The following GNG7 variants were observed in gnomAD, a reference collection of about 807,000 sequenced individuals.
GNG7 encodes G protein subunit gamma 7.
In GNG7, 1 loss-of-function variant was observed where a neutral mutation model predicts 4.0. The observed-to-expected ratio is 0.25, with a 90% confidence interval of 0.09 to 1.18. The LOEUF is 1.18. Among genes scored for constraint, GNG7 ranks in the 50% most tolerant of loss-of-function variants. GNG7 has a pLI of 0.50. For synonymous variants in GNG7, 34 were observed against 36.9 expected (o/e 0.92, Z 0.29); for missense variants, 86 against 91.9 (o/e 0.94, Z 0.26).
intron 2 of GNG7, among the ~76,000 whole-genome samples, chr19:2,619,159 A>G (rs890918203): frequency 2.0e-5 from 3 of 152,272 alleles, no homozygotes; most frequent in African/African-American, 7.2e-5. Flanking sequence ...AGTAGAAGGC[A>G]TATAAACAAA....
rs758973520 is a variant in GNG7, at chr19:2,514,986, AAG to A, written c.*34_*35del. 0.025 allele frequency: 20,901 copies of A among 838,428 alleles called. No individual in the cohort carries two copies. The highest frequency in any genetic ancestry group is 0.026 in the Non-Finnish European group (15,963 of 610,172). 51.9% of individuals were successfully genotyped at this position (838,428 alleles called of 1,614,324 possible). A position where few individuals can be genotyped will look rare whatever the true frequency, so the allele number is the denominator to read the frequency against. ...ACAGAGACAGAGAGAGAGAGAGAGA[AAG>A]AGAGAGAGAGAGAGAGAACATATGA... On this transcript the variant is annotated 3_prime_UTR_variant, in exon 5 of 5. Coordinates refer to ENST00000382159, the MANE Select transcript of GNG7 (RefSeq NM_052847.3).
intron 2 of GNG7, among the ~76,000 whole-genome samples, chr19:2,596,682 A>G (rs959669372): frequency 6.6e-6 from 1 of 151,434 alleles, no homozygotes; most frequent in Non-Finnish European, 1.5e-5. Flanking sequence ...CCCAAAAAAA[A>G]AAGTGGGCAA....
chr19:2,602,980 CTCTT>C (rs1183079653), intron 2 of GNG7, among the ~76,000 whole-genome samples: 1 of 143,224 alleles, frequency 7.0e-6, no homozygotes, highest in Non-Finnish European at 1.5e-5. Flanking sequence ...CTTTCTCTCT[CTCTT>C]TCCTTCCTTC....
At chr19:2,601,394 T>A (rs2144812116) in intron 2 of GNG7, among the ~76,000 whole-genome samples, 1 of 152,262 alleles carries the variant, frequency 6.6e-6, no homozygotes, top group East Asian at 1.9e-4. Flanking sequence ...CCATGTGGAC[T>A]CAGTCCTGCC....
intron 3 of GNG7, among the ~76,000 whole-genome samples, chr19:2,553,994 T>A (rs1045087719): frequency 6.8e-6 from 1 of 147,712 alleles, no homozygotes; most frequent in Non-Finnish European, 1.5e-5. Flanking sequence ...TAATATATAT[T>A]ACACATATGT....
chr19:2,569,084 C>T (rs1201028720), intron 2 of GNG7, among the ~76,000 whole-genome samples: 1 of 151,668 alleles, frequency 6.6e-6, no homozygotes, highest in Non-Finnish European at 1.5e-5. Flanking sequence ...AGCATGCAAG[C>T]ACACACACAC....
At chr19:2,542,969 A>C (rs1241324282) in intron 3 of GNG7, among the ~76,000 whole-genome samples, 1 of 134,216 alleles carries the variant, frequency 7.5e-6, no homozygotes, top group Non-Finnish European at 1.6e-5. Context: ...CTGGAGTGCA[A>C]TGACGCCATC....
At chr19:2,526,533 T>C (rs1978402746) in intron 3 of GNG7, among the ~76,000 whole-genome samples, 2 of 145,954 alleles carry the variant, frequency 1.4e-5, no homozygotes, top group Admixed American at 6.8e-5. Context: ...TTTATATTTA[T>C]GTCATTTATC....
intron 3 of GNG7, among the ~76,000 whole-genome samples, chr19:2,550,112 G>A (rs1286753431): frequency 6.6e-6 from 1 of 152,210 alleles, no homozygotes; most frequent in Non-Finnish European, 1.5e-5. Flanking sequence ...ATCCCTGTGG[G>A]ATGGGGAAAG....
intron 3 of GNG7, among the ~76,000 whole-genome samples, chr19:2,524,304 G>C (rs1489249062): frequency 1.3e-5 from 2 of 152,246 alleles, no homozygotes; most frequent in Admixed American, 6.5e-5. Flanking sequence ...ACCCAGGCCT[G>C]CCAGGAAGGC....
intron 2 of GNG7, among the ~76,000 whole-genome samples, chr19:2,641,139 C>T (rs1422299907): frequency 6.6e-6 from 1 of 152,204 alleles, no homozygotes; most frequent in Non-Finnish European, 1.5e-5. Flanking sequence ...CTCAGCCCTG[C>T]GATGGCCAGA....
intron 1 of GNG7, among the ~76,000 whole-genome samples, chr19:2,673,993 G>A (rs551093406): frequency 5.5e-4 from 83 of 152,140 alleles, no homozygotes; most frequent in Non-Finnish European, 1.0e-3. Context: ...GCCAGGGACC[G>A]TGGCTCACGC....
At chr19:2,586,329 T>C (rs1201164772) in intron 2 of GNG7, among the ~76,000 whole-genome samples, 4 of 152,194 alleles carry the variant, frequency 2.6e-5, no homozygotes, top group African/African-American at 7.2e-5. Flanking sequence ...GCTGCTGGCA[T>C]TCCCACCTTC....
chr19:2,574,687 G>C (rs961483704), intron 2 of GNG7, among the ~76,000 whole-genome samples: 4 of 152,166 alleles, frequency 2.6e-5, no homozygotes. Context: ...GTGCACTTGT[G>C]TGTGCAAACA....
At chr19:2,627,313 AC>A (rs1982045672) in intron 2 of GNG7, among the ~76,000 whole-genome samples, 1 of 152,004 alleles carries the variant, frequency 6.6e-6, no homozygotes, top group Admixed American at 6.6e-5. Flanking sequence ...AGGATGACCC[AC>A]CCCAGAGAAC....
chr19:2,656,163 A>G (rs1196556941), intron 1 of GNG7, among the ~76,000 whole-genome samples: 1 of 152,214 alleles, frequency 6.6e-6, no homozygotes, highest in Non-Finnish European at 1.5e-5. Flanking sequence ...AAGTTCCTCA[A>G]AAAATTAAAG....
chr19:2,627,178 C>G (rs1035443219), intron 2 of GNG7, among the ~76,000 whole-genome samples: 2 of 151,960 alleles, frequency 1.3e-5, no homozygotes, highest in Non-Finnish European at 2.9e-5. Flanking sequence ...GGGTCTCAAC[C>G]AAGGTGTTTC....
intron 4 of GNG7, 150 bp downstream of exon 4, chr19:2,520,458 C>A (rs747489287): frequency 1.4e-5 from 8 of 564,936 alleles, no homozygotes; most frequent in Non-Finnish European, 1.9e-5. Flanking sequence ...GAAATGGAGG[C>A]TCAGAGAGGT....
intron 2 of GNG7, among the ~76,000 whole-genome samples, chr19:2,578,535 C>T (rs994308254): frequency 6.6e-6 from 1 of 152,242 alleles, no homozygotes; most frequent in East Asian, 1.9e-4. Flanking sequence ...ACGAGCAACG[C>T]CCGCCCAGGG....
Sources: allele counts gnomAD v4.1 joint callset (sites outside exome capture counted in the v4.1 genomes callset), GRCh38; gene constraint gnomAD v4.1.1; transcripts MANE v1.5; gene names NCBI Gene and HGNC (gene_info 2026-07-23, HGNC 2026-07-21).